Variants in SLC25A25 observed in about 807,000 individuals in gnomAD.
The protein encoded by SLC25A25 is mitochondrial adenyl nucleotide antiporter SLC25A25.
A neutral mutation model predicts 57.7 loss-of-function variants in SLC25A25; 32 were observed. The observed-to-expected ratio is 0.55, with a 90% CI of 0.42 to 0.74. The LOEUF (loss-of-function observed/expected upper bound fraction) is 0.74. Among genes scored for constraint, SLC25A25 ranks in the 30% least tolerant of loss-of-function variants. The pLI, the probability that SLC25A25 is intolerant of heterozygous loss-of-function variation, is 0.00. For missense variants in SLC25A25, 556 were observed against 701.3 expected (o/e 0.79, Z 2.34); for synonymous variants, 306 against 291.2 (o/e 1.05, Z -0.52).
chr9:128,079,664 C>A (rs1833101577), intron 1 of SLC25A25, among the ~76,000 whole-genome samples: 1 of 149,466 alleles, frequency 6.7e-6, no homozygotes, highest in African/African-American at 2.5e-5. Flanking sequence ...GTAATCCCAG[C>A]TACTGGGGAG....
intron 1 of SLC25A25, among the ~76,000 whole-genome samples, chr9:128,096,254 A>G (rs1833553584): frequency 6.6e-6 from 1 of 152,220 alleles, no homozygotes; most frequent in South Asian, 2.1e-4. Flanking sequence ...CATACCTGTA[A>G]TCCTAGCACT....
intron 6 of SLC25A25, among the ~76,000 whole-genome samples, 188 bp from the exon 7 acceptor site, chr9:128,105,541 C>T (rs939648620): frequency 6.6e-6 from 1 of 152,178 alleles, no homozygotes; most frequent in Non-Finnish European, 1.5e-5. Flanking sequence ...ATACCCAGTA[C>T]GATGGAGCTG....
intron 1 of SLC25A25, among the ~76,000 whole-genome samples, chr9:128,073,757 CAG>C (rs1832952666): frequency 2.7e-5 from 4 of 149,532 alleles, no homozygotes; most frequent in African/African-American, 9.9e-5. Flanking sequence ...TTTTTTGAGA[CAG>C]AGTCTTCCTC....
intron 1 of SLC25A25, among the ~76,000 whole-genome samples, chr9:128,089,126 C>T (rs1833342598): frequency 6.6e-6 from 1 of 152,066 alleles, no homozygotes; most frequent in Admixed American, 6.6e-5. Context: ...AAACTCTGGG[C>T]TCAAAAGACC....
At chr9:128,075,045 G>A (rs1230969580) in intron 1 of SLC25A25, among the ~76,000 whole-genome samples, 1 of 152,202 alleles carries the variant, frequency 6.6e-6, no homozygotes, top group Non-Finnish European at 1.5e-5. Flanking sequence ...GAGGCTGAGG[G>A]AAAATTGCTT....
In SLC25A25 at chr9:128,076,196, A is replaced by G. The variant is rs1833007346; in HGVS notation, c.261+7616A>G. 6.6e-5 allele frequency among the ~76,000 whole-genome samples: 10 copies of G among 152,136 alleles called. No individual in the cohort carries two copies. In the South Asian group the frequency reaches 8.3e-4, roughly 13 times the overall value. ...ACCCAGGCTGGCGTTCAGTGGTTCA[A>G]TCACAGCTCACCGCAGCTTTGACCT... On this transcript the variant is annotated intron_variant, in intron 1 of 10. Coordinates refer to ENST00000373069, the MANE Select transcript of SLC25A25 (RefSeq NM_001330988.2).
chr9:128,098,532 G>A, intron 1 of SLC25A25: 1 of 1,584,546 alleles, frequency 6.3e-7, no homozygotes, highest in Non-Finnish European at 8.6e-7. Context: ...TGCTCCCGGT[G>A]GTGAGGGCAG....
chr9:128,100,180 C>T (rs1833729251), intron 1 of SLC25A25, among the ~76,000 whole-genome samples: 1 of 149,952 alleles, frequency 6.7e-6, no homozygotes, highest in Non-Finnish European at 1.5e-5. Context: ...TTTCCTACCT[C>T]CTAGAGCTGT....
intron 1 of SLC25A25, among the ~76,000 whole-genome samples, chr9:128,079,603 C>CAA (rs531439672): frequency 0.023 from 1,089 of 47,968 alleles, 30 homozygotes; most frequent in African/African-American, 0.054. Context: ...ACTAAAAATA[C>CAA]AAAAAAAAAA....
At position 128,099,213 on chromosome 9, in the gene SLC25A25, A is replaced by G; in HGVS notation, c.262-1883A>G. On this transcript the variant is annotated intron_variant, in intron 1 of 10. Coordinates refer to ENST00000373069, the MANE Select transcript of SLC25A25 (RefSeq NM_001330988.2). This position sits in a 1 kb window ranked among gnomAD's most constrained non-coding sequence, Gnocchi z 6.8. ...CCTGAAAGTGAGGAAGCCGAGCTGC[A>G]GAGTCCGGAGGCCCCTTGCCACCTC... 1 of 1,286,692 alleles carries G rather than the reference A, an allele frequency of 7.8e-7. No homozygotes were observed. The highest frequency in any genetic ancestry group is 2.3e-5 in the Admixed American group (1 of 43,118). The allele number at this position is 1,286,692 out of a possible 1,614,324, so 79.7% of individuals were successfully genotyped here.
chr9:128,103,816 G>T lies in SLC25A25; in HGVS notation c.760G>T (p.Asp254Tyr). The change falls in exon 6 of 11, where the codon GAC becomes TAC. Residue 254 changes from aspartate (D) to tyrosine (Y), a missense_variant. Physicochemically the swap from Asp to Tyr is radical, Grantham distance 160. Coordinates refer to ENST00000373069, the MANE Select transcript of SLC25A25 (RefSeq NM_001330988.2). This position sits in a 1 kb window ranked among gnomAD's most constrained non-coding sequence, Gnocchi z 6.7. ...ATCCAGAACCTGCACGGCCCCCCTG[G>T]ACAGGCTCAAGGTGCTCATGCAGGT... ...AVSRTCTAPL[D>Y]RLKVLMQVHA... 1 of 1,609,300 alleles carries T rather than the reference G, an allele frequency of 6.2e-7. No individual in the cohort carries two copies. Among genetic ancestry groups the T allele is most frequent in the South Asian group, 1.1e-5 (1 of 90,458 alleles).
chr9:128,093,608 G>A (rs987725065), intron 1 of SLC25A25, among the ~76,000 whole-genome samples: 4 of 152,244 alleles, frequency 2.6e-5, no homozygotes, highest in East Asian at 1.9e-4. Flanking sequence ...GCTGCAAACT[G>A]GGGGAGCCCC....
intron 1 of SLC25A25, among the ~76,000 whole-genome samples, chr9:128,096,339 T>C (rs538836536): frequency 6.6e-6 from 1 of 152,170 alleles, no homozygotes; most frequent in African/African-American, 2.4e-5. Flanking sequence ...TAAAACCTAG[T>C]CTCTACTAAA....
chr9:128,101,339 C>G lies in SLC25A25; in HGVS notation c.419C>G (p.Ser140Cys). ...GRIDAQEIMQ[S>C]LRDLGVKISE... Reference sequence around the variant, plus strand: ...ATTGACGCGCAGGAGATCATGCAGTCCCTGCGGGACTTGGGAGTCAAGATA... The same window carrying G: ...ATTGACGCGCAGGAGATCATGCAGTGCCTGCGGGACTTGGGAGTCAAGATA... The change falls in exon 3 of 11, where the codon TCC (serine) becomes TGC (cysteine). Residue 140 changes from serine to cysteine, a missense_variant. Around this residue, in one of 3 missense-constraint regions of SLC25A25, gnomAD observed 248 missense variants for 273.5 expected, o/e 0.91. Transcript: ENST00000373069. The surrounding 1 kb of genome is among the most constrained non-coding windows in gnomAD (Gnocchi z 4.9). The G allele has an allele frequency of 6.2e-7, 1 of 1,614,262 alleles. No individual in the cohort carries two copies. Among genetic ancestry groups the G allele is most frequent in the Non-Finnish European group, 8.5e-7 (1 of 1,180,052 alleles).
rs1055468063 is a variant in SLC25A25, at chr9:128,107,924, C to T, written c.*480C>T. On this transcript the variant is annotated 3_prime_UTR_variant, in exon 11 of 11. Coordinates refer to ENST00000373069, the MANE Select transcript of SLC25A25 (RefSeq NM_001330988.2). Reference sequence around the variant, plus strand: ...CACATCCCACCCCCTCGTCCAATCCCATAATCCATGATGAAAGGTGAGGTC... The same window carrying T: ...CACATCCCACCCCCTCGTCCAATCCTATAATCCATGATGAAAGGTGAGGTC... The T allele has an allele frequency of 2.5e-6, 1 of 399,460 alleles. No individual in the cohort carries two copies. The highest frequency in any genetic ancestry group is 4.4e-6 in the Non-Finnish European group (1 of 226,700). The allele number at this position is 399,460 out of a possible 1,614,324, so 24.7% of individuals were successfully genotyped here. A position where few individuals can be genotyped will look rare whatever the true frequency, so the allele number is the denominator to read the frequency against.
chr9:128,087,331 G>A (rs775092064), intron 1 of SLC25A25, among the ~76,000 whole-genome samples: 26 of 151,974 alleles, frequency 1.7e-4, no homozygotes, highest in Non-Finnish European at 1.9e-4. Flanking sequence ...ACGCAGTCTC[G>A]GCTTACTGCA....
chr9:128,092,881 A>G (rs557586158), intron 1 of SLC25A25, among the ~76,000 whole-genome samples: 41 of 152,324 alleles, frequency 2.7e-4, no homozygotes, highest in Admixed American at 2.4e-3. Context: ...TCCCCTTAGG[A>G]AAGCAGTTTT....
chr9:128,088,635 T>C (rs1833331084), intron 1 of SLC25A25, among the ~76,000 whole-genome samples: 1 of 152,242 alleles, frequency 6.6e-6, no homozygotes, highest in Non-Finnish European at 1.5e-5. Context: ...CAGGAATCAG[T>C]GTCCTTAGCC....
intron 1 of SLC25A25, among the ~76,000 whole-genome samples, chr9:128,073,153 A>G (rs761796279): frequency 1.3e-5 from 2 of 152,224 alleles, no homozygotes; most frequent in African/African-American, 2.4e-5. Context: ...ATTTGATCGC[A>G]AGGAAATTGG....
Sources: gnomAD v4.1 joint callset for allele counts (sites outside exome capture counted in the v4.1 genomes callset) on GRCh38, gnomAD v4.1.1 for gene constraint, gnomAD v4.1.1 regional missense constraint, Gnocchi (gnomAD v3.1) non-coding constraint, MANE v1.5 for transcripts, NCBI Gene and HGNC (gene_info 2026-07-23, HGNC 2026-07-21) for gene names.